ELMO3: variants seen among roughly 807,000 people sequenced by gnomAD.
The protein encoded by ELMO3 is engulfment and cell motility protein 3.
ELMO3 carries 81 observed loss-of-function variants against 89.0 expected under a neutral mutation model. The observed-to-expected ratio is 0.91, with a 90% CI of 0.76 to 1.09. ELMO3 has a LOEUF of 1.09. Ranked by LOEUF, ELMO3 falls within the 50% of genes least tolerant of loss-of-function variation. The probability of loss-of-function intolerance (pLI) is 0.00; values close to 1 mark genes in which losing one functional copy is unlikely to be tolerated. For synonymous variants in ELMO3, 406 were observed against 400.6 expected, an observed-to-expected ratio of 1.01 and a Z score of -0.16; for missense variants, 959 against 972.8, an observed-to-expected ratio of 0.99 and a Z score of 0.19.
In ELMO3 at chr16:67,203,956, C is replaced by T; in HGVS notation, c.*79C>T. The stretch of plus-strand genomic sequence containing the variant: ...CAGTGGGTAGAGGAGTGCAGGCACC[C>T]TGACCAGCAGAGATTGCTGCAGAAA... On this transcript the variant is annotated 3_prime_UTR_variant, in exon 20 of 20. Transcript: ENST00000393997. This position sits in a 1 kb window ranked among gnomAD's most constrained non-coding sequence, Gnocchi z 4.6. The T allele has an allele frequency of 8.1e-7, 1 of 1,231,716 alleles. No individual in the cohort carries two copies. Among genetic ancestry groups the T allele is most frequent in the Admixed American group, 2.6e-5 (1 of 38,060 alleles). The allele number at this position is 1,231,716 out of a possible 1,614,324, so 76.3% of individuals were successfully genotyped here. A position where few individuals can be genotyped will look rare whatever the true frequency, so the allele number is the denominator to read the frequency against.
intron 1 of ELMO3, 70 bp downstream of exon 1, chr16:67,199,474 C>CCGG: frequency 1.3e-6 from 2 of 1,539,210 alleles, no homozygotes; most frequent in Non-Finnish European, 1.8e-6. Context: ...GCCCTCGGGG[C>CCGG]AGCCCGCCCC....
Position 67,199,288 on chromosome 16 carries a change from G to T in ELMO3, c.-39G>T. ...GTGCACCCTTGGCCGCAGGTGCACG[G>T]TCTCCGGAAAGTGCAGGCGCCCACG... On this transcript the variant is annotated 5_prime_UTR_variant, in exon 1 of 20. Transcript: ENST00000393997. 6.2e-7 allele frequency: 1 copy of T among 1,612,454 alleles called. No individual in the cohort carries two copies. Among genetic ancestry groups the T allele is most frequent in the Non-Finnish European group, 8.5e-7 (1 of 1,179,850 alleles).
At chr16:67,201,049 C>CAT in intron 8 of ELMO3, 81 bp downstream of exon 8, 2 of 1,136,786 alleles carry the variant, frequency 1.8e-6, no homozygotes, top group Non-Finnish European at 2.4e-6. Flanking sequence ...CTAAGCCCCC[C>CAT]TTTTTTTTTT....
intron 1 of ELMO3, 72 bp downstream of exon 1, chr16:67,199,476 G>GGCCCCCCCCCCCCCCCCCCCCCCCCCC: frequency 3.3e-6 from 5 of 1,503,530 alleles, no homozygotes; most frequent in Non-Finnish European, 4.5e-6. Context: ...CCTCGGGGCA[G>GGCCCCCCCCCCCCCCCCCCCCCCCCCC]CCCGCCCCAC....
intron 8 of ELMO3, 87 bp downstream of exon 8, chr16:67,201,055 T>TGC (rs2033093781): frequency 7.1e-7 from 1 of 1,414,096 alleles, no homozygotes; most frequent in Admixed American, 2.8e-5. Context: ...CCCCCTTTTT[T>TGC]TTTTTTTTGA....
intron 3 of ELMO3, 55 bp from the exon 4 acceptor site, chr16:67,199,896 G>A (rs371049820): frequency 1.2e-6 from 2 of 1,612,986 alleles, no homozygotes; most frequent in African/African-American, 2.7e-5. Flanking sequence ...CACCCCAGTT[G>A]ATCAGTCCTC....
At chr16:67,199,851 G>A (rs1597279221) in intron 3 of ELMO3, 95 bp downstream of exon 3, 1 of 1,604,796 alleles carries the variant, frequency 6.2e-7, no homozygotes, top group Non-Finnish European at 8.5e-7. Context: ...CTACCGGAGC[G>A]CGATCTGTTA....
chr16:67,199,858 G>A lies in ELMO3; in HGVS notation c.193-93G>A, dbSNP rs368818435. 4.5e-5 allele frequency: 73 copies of A among 1,607,486 alleles called. No homozygotes were observed. The African/African-American group carries it at 8.3e-4, about 18-fold the overall frequency. On this transcript the variant is annotated intron_variant, in intron 3 of 19. Coordinates refer to ENST00000393997, the MANE Select transcript of ELMO3 (RefSeq NM_024712.5). ...TCATCCCACTACCGGAGCGCGATCT[G>A]TTATTCACCCCCAGCCGCCCTCACC...
In ELMO3 at chr16:67,201,991, A is replaced by G. The variant is rs1190451177; in HGVS notation, c.1065A>G (p.Ala355=). 2 of 1,613,126 alleles carry G rather than the reference A, an allele frequency of 1.2e-6. No individual in the cohort carries two copies. Among genetic ancestry groups the G allele is most frequent in the East Asian group, 4.5e-5 (2 of 44,882 alleles). ...ACTTCCCCCAGAACAGCAACCCAGC[A>G]CAGGACCTGGAGCGCGTGCCCCCCG... ...RKLGFSNSNP[A]QDLERVPPGL... is the part of the protein sequence containing the mutation. Residue 355 remains alanine (A), a synonymous_variant, in exon 12 of 20, where the codon GCA becomes GCG. Coordinates refer to ENST00000393997, the MANE Select transcript of ELMO3 (RefSeq NM_024712.5).
At position 67,201,858 on chromosome 16, in the gene ELMO3, C is replaced by G; in HGVS notation, c.1035C>G (p.Arg345=). 1 of 1,608,716 alleles carries G rather than the reference C, an allele frequency of 6.2e-7. No individual in the cohort carries two copies. The change falls in exon 11 of 20, where the codon CGC becomes CGG. Residue 345 remains arginine (R), a synonymous_variant. Transcript: ENST00000393997. ...GTTCCCTCTGTGCCCGAGAGTTCCG[C>G]AAACTGGGCTTTTCTGTGAGTATCA... The part of the protein sequence containing the change: ...RRRSLCAREF[R]KLGFSNSNPA...
chr16:67,199,534 A>G lies in ELMO3; in HGVS notation c.79-19A>G, dbSNP rs370782263. ...ATCCCTCCCTGCCCAGGCCGCGAGA[A>G]TGACCACTCCACTTGCAGGCGAAGC... On this transcript the variant is annotated intron_variant, in intron 1 of 19. Coordinates refer to ENST00000393997, the MANE Select transcript of ELMO3 (RefSeq NM_024712.5). The G allele has an allele frequency of 1.3e-6, 2 of 1,592,956 alleles. No homozygotes were observed. Among genetic ancestry groups the G allele is most frequent in the East Asian group, 2.3e-5 (1 of 43,900 alleles).
chr16:67,201,591 G>C lies in ELMO3; in HGVS notation c.867G>C (p.Met289Ile). 1 of 1,613,824 alleles carries C rather than the reference G, an allele frequency of 6.2e-7. No individual in the cohort carries two copies. Among genetic ancestry groups the C allele is most frequent in the Non-Finnish European group, 8.5e-7 (1 of 1,180,038 alleles). Residue 289 changes from methionine to isoleucine, a missense_variant, in exon 10 of 20, where the codon ATG becomes ATC. Coordinates refer to ENST00000393997, the MANE Select transcript of ELMO3 (RefSeq NM_024712.5). ...AHHLYVLQAL[M>I]LGLLEPRMRT... ...ACCTGTACGTACTGCAGGCTCTCATGCTGGGGCTGCTGGAGCCGCGCATGC... is the reference window on the plus strand; with the variant it reads ...ACCTGTACGTACTGCAGGCTCTCATCCTGGGGCTGCTGGAGCCGCGCATGC...
At position 67,199,971 on chromosome 16, in the gene ELMO3, T is replaced by C; in HGVS notation, c.213T>C (p.Asn71=). The C allele has an allele frequency of 6.2e-7, 1 of 1,613,888 alleles. No homozygotes were observed. The highest frequency in any genetic ancestry group is 1.1e-5 in the South Asian group (1 of 91,082). Residue 71 remains asparagine (N), a synonymous_variant, in exon 4 of 20, where the codon AAT becomes AAC. Transcript: ENST00000393997. ...ITENNRAEIK[N]GSILCLSTAP... is the part of the protein sequence containing the mutation. ...TCCAGAACCGCGCGGAGATCAAGAA[T>C]GGCAGCATCCTGTGCCTCAGCACGG...
chr16:67,199,492 C>T, intron 1 of ELMO3, 61 bp from the exon 2 acceptor site: 1 of 1,560,072 alleles, frequency 6.4e-7, no homozygotes, highest in Admixed American at 1.8e-5. Flanking sequence ...CCCACCCCTC[C>T]CCCCAGGCTC....
chr16:67,199,200 C>G lies in ELMO3; in HGVS notation c.-127C>G. The G allele has an allele frequency of 6.2e-7, 1 of 1,610,666 alleles. No individual in the cohort carries two copies. The highest frequency in any genetic ancestry group is 1.3e-5 in the African/African-American group (1 of 75,018). ...GGAGCAGCAGTCTGGGCCGCGAGTG[C>G]GGGACACCGAGGTCAGGTCTCGGAA... On this transcript the variant is annotated 5_prime_UTR_variant, in exon 1 of 20. Coordinates refer to ENST00000393997, the MANE Select transcript of ELMO3 (RefSeq NM_024712.5).
At chr16:67,199,492 CCCCCAGGCTCCT>C in intron 1 of ELMO3, 49 bp from the exon 2 acceptor site, 1 of 1,560,072 alleles carries the variant, frequency 6.4e-7, no homozygotes, top group Non-Finnish European at 8.6e-7. Context: ...CCCACCCCTC[CCCCCAGGCTCCT>C]CCCCATCCCT....
chr16:67,199,759 G>A lies in ELMO3; in HGVS notation c.192+3G>A, dbSNP rs139694644. On this transcript the variant is annotated splice_donor_region_variant and intron_variant, in intron 3 of 19. Coordinates refer to ENST00000393997, the MANE Select transcript of ELMO3 (RefSeq NM_024712.5). ...ACCGGAGATACATCACCGAGAATGT[G>A]AGTCCCCTCTCCCCAGCCCCAAGCT... 32 of 1,610,794 alleles carry A rather than the reference G, an allele frequency of 2.0e-5. No homozygotes were observed. The East Asian group carries it at 7.1e-4, about 36-fold the overall frequency.
In ELMO3 at chr16:67,201,811, G is replaced by A. The variant is rs1226276761; in HGVS notation, c.988G>A (p.Gly330Arg). The change falls in exon 11 of 20, where the codon GGG becomes AGG. Residue 330 changes from glycine to arginine, a missense_variant. Transcript: ENST00000393997. ...FEVEGESSGA[G>R]LSADRRRSLC... ...GGTGGAGGGGGAGTCCTCGGGTGCC[G>A]GGCTAAGTGCTGACCGTCGCCGTTC... 1.3e-5 allele frequency: 21 copies of A among 1,611,998 alleles called. No individual in the cohort carries two copies. Among genetic ancestry groups the A allele is most frequent in the East Asian group, 8.9e-5 (4 of 44,870 alleles).
chr16:67,200,216 G>C lies in ELMO3; in HGVS notation c.268G>C (p.Gly90Arg). 1 of 1,613,288 alleles carries C rather than the reference G, an allele frequency of 6.2e-7. No individual in the cohort carries two copies. Among genetic ancestry groups the C allele is most frequent in the Non-Finnish European group, 8.5e-7 (1 of 1,179,724 alleles). ...APDLEAEQLLGGLQSNSPEGR... is the reference protein window; with the variant it reads ...APDLEAEQLLRGLQSNSPEGR... ...GGACCTTGAGGCTGAGCAGCTCTTG[G>C]GTGGGCTGCAGAGTAACAGTCCTGA... Residue 90 changes from glycine to arginine, a missense_variant, in exon 5 of 20, where the codon GGT becomes CGT. Gly to Arg is a moderately radical substitution (Grantham distance 125). Transcript: ENST00000393997.
Sources: allele counts gnomAD v4.1 joint callset, GRCh38; gene constraint gnomAD v4.1.1; non-coding constraint Gnocchi (gnomAD v3.1); transcripts MANE v1.5; gene names NCBI Gene and HGNC (gene_info 2026-07-23, HGNC 2026-07-21).